Variants in AIFM3 observed in about 807,000 individuals in gnomAD.
AIFM3 encodes AIF family member 3.
In AIFM3, 71 loss-of-function variants were observed where a neutral mutation model predicts 82.7. The ratio of observed to expected loss-of-function variants is 0.86; its 90% CI spans 0.71 to 1.05. The LOEUF (loss-of-function observed/expected upper bound fraction) is 1.05. Among genes scored for constraint, AIFM3 ranks in the 50% least tolerant of loss-of-function variants. The pLI is 0.00. For missense variants in AIFM3, 748 were observed against 816.7 expected (o/e 0.92, Z 1.03); for synonymous variants, 337 against 329.1 (o/e 1.02, Z -0.26).
intron 10 of AIFM3, 45 bp downstream of exon 10, chr22:20,976,351 T>G: frequency 1.2e-6 from 2 of 1,613,718 alleles, no homozygotes; most frequent in Non-Finnish European, 1.7e-6. Context: ...GGCAGGGCAC[T>G]GGCCTGGACG....
intron 2 of AIFM3, among the ~76,000 whole-genome samples, 183 bp downstream of exon 2, chr22:20,968,158 A>G (rs1364961038): frequency 6.6e-6 from 1 of 152,050 alleles, no homozygotes; most frequent in Non-Finnish European, 1.5e-5. Context: ...CAGTTCCCCC[A>G]GCTGGCCCCT....
chr22:20,973,842 GCAC>G lies in AIFM3; in HGVS notation c.331_333del (p.His111del). 6.4e-7 allele frequency: 1 copy of G among 1,555,844 alleles called. No homozygotes were observed. The highest frequency in any genetic ancestry group is 8.7e-7 in the Non-Finnish European group (1 of 1,149,168). On this transcript the variant is annotated inframe_deletion, in exon 4 of 21. Transcript: ENST00000440238. Reference sequence around the variant, plus strand: ...TCCACGCCCTGGGCCATAAGTGTCCGCACTACGGCGCACCCCTGGTGAAAGGTG... The same window carrying G: ...TCCACGCCCTGGGCCATAAGTGTCCGTACGGCGCACCCCTGGTGAAAGGTG...
chr22:20,979,019 C>T (rs1401530152), intron 16 of AIFM3, among the ~76,000 whole-genome samples: 1 of 152,124 alleles, frequency 6.6e-6, no homozygotes, highest in Admixed American at 6.5e-5. Flanking sequence ...AGAAGCAGAC[C>T]TTCCAGAGTC....
At position 20,974,093 on chromosome 22, in the gene AIFM3, C is replaced by T; in HGVS notation, c.386C>T (p.Pro129Leu). Residue 129 changes from proline (P) to leucine (L), a missense_variant, in exon 5 of 21, where the codon CCC (proline) becomes CTC (leucine). Around this residue, in one of 5 missense-constraint regions of AIFM3, gnomAD observed 148 missense variants for 134.1 expected, o/e 1.10. Coordinates refer to ENST00000440238, the MANE Select transcript of AIFM3 (RefSeq NM_001386814.1). Reference protein sequence around the residue: ...GVLSRGRVRCPWHGACFNIST... With the variant: ...GVLSRGRVRCLWHGACFNIST... ...CTGTCCCGTGGTCGGGTGCGCTGCC[C>T]CTGGCACGGCGCCTGCTTCAACATC... The T allele has an allele frequency of 6.2e-7, 1 of 1,612,160 alleles. No individual in the cohort carries two copies. Among genetic ancestry groups the T allele is most frequent in the Non-Finnish European group, 8.5e-7 (1 of 1,179,818 alleles).
intron 16 of AIFM3, 122 bp downstream of exon 16, chr22:20,978,127 T>C: frequency 2.2e-6 from 2 of 918,862 alleles, no homozygotes; most frequent in South Asian, 3.1e-5. Flanking sequence ...AAAGCTCTGA[T>C]GTGGATTCTC....
chr22:20,980,017 C>G lies in AIFM3; in HGVS notation c.1653-3C>G, dbSNP rs1433164556. On this transcript the variant is annotated splice_polypyrimidine_tract_variant and splice_region_variant and intron_variant, in intron 18 of 20. Coordinates refer to ENST00000440238, the MANE Select transcript of AIFM3 (RefSeq NM_001386814.1). The stretch of plus-strand genomic sequence containing the variant: ...CTCAGGCTTGGCCATCCTCTCCTTG[C>G]AGAGGCGACGAGGTGATCGCCGTGG... 6.2e-7 allele frequency: 1 copy of G among 1,609,706 alleles called. No individual in the cohort carries two copies. Among genetic ancestry groups the G allele is most frequent in the Non-Finnish European group, 8.5e-7 (1 of 1,179,450 alleles).
At chr22:20,977,673 A>G (rs755757478) in intron 14 of AIFM3, 27 bp from the exon 15 acceptor site, 94 of 1,613,366 alleles carry the variant, frequency 5.8e-5, no homozygotes, top group Middle Eastern at 4.9e-4. Flanking sequence ...GGGACAGGGG[A>G]GTGGACACAG....
chr22:20,973,583 C>A, intron 3 of AIFM3, 63 bp downstream of exon 3: 1 of 1,501,780 alleles, frequency 6.7e-7, no homozygotes, highest in Non-Finnish European at 9.0e-7. Context: ...GTGAGGGGGC[C>A]ATAGCCGGGG....
At chr22:20,979,988 A>C in intron 18 of AIFM3, 32 bp from the exon 19 acceptor site, 1 of 1,593,848 alleles carries the variant, frequency 6.3e-7, no homozygotes, top group Non-Finnish European at 8.6e-7. Context: ...GCTGCCTCGC[A>C]GTCCTCAGGC....
At chr22:20,980,823 C>G (rs764974406) in intron 20 of AIFM3, 56 bp downstream of exon 20, 10 of 1,608,574 alleles carry the variant, frequency 6.2e-6, no homozygotes, top group Non-Finnish European at 8.5e-6. Flanking sequence ...AGCCCAGACC[C>G]TCCACCCAAT....
intron 14 of AIFM3, chr22:20,977,427 C>T (rs901174123): frequency 1.7e-6 from 1 of 602,314 alleles, no homozygotes; most frequent in East Asian, 2.8e-5. Flanking sequence ...GAGGTGGTAG[C>T]ACCTGCAGGG....
rs1033977865 is a variant in AIFM3 at position 20,980,181 on chromosome 22, A to G, written c.1757+57A>G. 9.8e-6 allele frequency: 15 copies of G among 1,538,242 alleles called. No homozygotes were observed. In the Admixed American group the frequency reaches 1.2e-4, roughly 13 times the overall value. On this transcript the variant is annotated intron_variant, in intron 19 of 20. Transcript: ENST00000440238. ...GAGTAGTTCCCTGGAGTACTGGCTA[A>G]GGTGCCTATGACAGCCAGCCGCCCC...
At chr22:20,969,784 C>T (rs1322699845) in intron 2 of AIFM3, among the ~76,000 whole-genome samples, 1 of 152,164 alleles carries the variant, frequency 6.6e-6, no homozygotes, top group Non-Finnish European at 1.5e-5. Context: ...CCCAGGTGCC[C>T]ATGCTGGGCA....
chr22:20,976,365 C>T (rs1923660172), intron 10 of AIFM3, 43 bp from the exon 11 acceptor site: 1 of 1,613,610 alleles, frequency 6.2e-7, no homozygotes, highest in Non-Finnish European at 8.5e-7. Context: ...CTGGACGGGG[C>T]TGGGGCTGCC....
Position 20,979,130 on chromosome 22 carries a change from G to C in AIFM3, c.1478-141G>C, listed in dbSNP as rs1923891084. 11 of 838,070 alleles carry C rather than the reference G, an allele frequency of 1.3e-5. No homozygotes were observed. The South Asian group carries it at 1.6e-4, about 12-fold the overall frequency. The allele number at this position is 838,070 out of a possible 1,614,324, so 51.9% of individuals were successfully genotyped here. A position where few individuals can be genotyped will look rare whatever the true frequency, so the allele number is the denominator to read the frequency against. On this transcript the variant is annotated intron_variant, in intron 16 of 20. Coordinates refer to ENST00000440238, the MANE Select transcript of AIFM3 (RefSeq NM_001386814.1). ...AGCTGCAGGTGCAAGTGAGCAGTGG[G>C]CTGAACAATGATGTCTCTTGACCTC...
chr22:20,976,189 C>G, intron 9 of AIFM3, 26 bp from the exon 10 acceptor site: 2 of 1,607,676 alleles, frequency 1.2e-6, no homozygotes, highest in Middle Eastern at 1.7e-4. Context: ...TGCCCAAGCT[C>G]ATGCTCTGCC....
At chr22:20,979,191 G>T (rs919393493) in intron 16 of AIFM3, 80 bp from the exon 17 acceptor site, 1 of 1,440,278 alleles carries the variant, frequency 6.9e-7, no homozygotes, top group East Asian at 2.5e-5. Flanking sequence ...ACGTGTCAGG[G>T]GTCCCCAGGG....
At chr22:20,965,583 G>A (rs974035145), upstream of AIFM3, 2 of 152,520 alleles carry the variant, frequency 1.3e-5, no homozygotes, top group African/African-American at 4.8e-5. Flanking sequence ...GGCTTGCCCT[G>A]AGCTCCGTGG....
At chr22:20,980,851 T>G in intron 20 of AIFM3, 84 bp downstream of exon 20, 2 of 1,610,536 alleles carry the variant, frequency 1.2e-6, no homozygotes, top group Non-Finnish European at 1.7e-6. Context: ...TCTCCCTCTG[T>G]CCAAGTACAC....
Sources: gnomAD v4.1 joint callset for allele counts (sites outside exome capture counted in the v4.1 genomes callset) on GRCh38, gnomAD v4.1.1 for gene constraint, gnomAD v4.1.1 regional missense constraint, MANE v1.5 for transcripts, NCBI Gene and HGNC (gene_info 2026-07-23, HGNC 2026-07-21) for gene names.